The following AHDC1 variants were observed in gnomAD, a reference collection of about 807,000 sequenced individuals.
AHDC1 encodes the protein transcription factor Gibbin.
A neutral mutation model predicts 87.9 loss-of-function variants in AHDC1; 7 were observed. The observed-to-expected ratio is 0.08, with a 90% CI of 0.05 to 0.15. The LOEUF is 0.15. Ranked by LOEUF, AHDC1 falls within the 10% of genes least tolerant of loss-of-function variation. AHDC1 has a pLI of 1.00. For missense variants in AHDC1, 1,841 were observed against 2,253.2 expected, an observed-to-expected ratio of 0.82 and a Z score of 3.70; for synonymous variants, 1,051 against 1,006.8, an observed-to-expected ratio of 1.04 and a Z score of -0.83.
At chr1:27,555,286 C>T (rs2019767651) in intron 5 of AHDC1, among the ~76,000 whole-genome samples, 1 of 152,220 alleles carries the variant, frequency 6.6e-6, no homozygotes, top group African/African-American at 2.4e-5. Flanking sequence ...CTTTCTAGTG[C>T]CATCTCATGC....
chr1:27,569,112 C>G (rs1311780259), intron 3 of AHDC1, among the ~76,000 whole-genome samples: 2 of 148,068 alleles, frequency 1.4e-5, no homozygotes, highest in African/African-American at 2.5e-5. Flanking sequence ...TACCCCCCAT[C>G]GCCCAGTGCA....
At chr1:27,557,660 C>A (rs921666111) in intron 5 of AHDC1, among the ~76,000 whole-genome samples, 1 of 152,188 alleles carries the variant, frequency 6.6e-6, no homozygotes, top group South Asian at 2.1e-4. Context: ...GTGCATACAC[C>A]GTACCATCGC....
intron 3 of AHDC1, among the ~76,000 whole-genome samples, chr1:27,582,485 A>G (rs2088935177): frequency 6.6e-6 from 1 of 152,232 alleles, no homozygotes; most frequent in African/African-American, 2.4e-5. Flanking sequence ...GGCATGCCCA[A>G]TGCCCCTTCT....
chr1:27,565,192 G>A lies in AHDC1; in HGVS notation c.-628-6309C>T, dbSNP rs1177970356. The stretch of plus-strand genomic sequence containing the variant: ...GCTTTGTTCCCCCCACCCACCCGCC[G>A]AGGGGGCCCAGCATGCCTTGCGTGC... On this transcript the variant is annotated intron_variant, in intron 3 of 8. Transcript: ENST00000673934. This position sits in a 1 kb window ranked among gnomAD's most constrained non-coding sequence, Gnocchi z 4.6. Among the ~76,000 whole-genome samples the A allele has an allele frequency of 7.3e-6, 1 of 137,784 alleles. No homozygotes were observed. The highest frequency in any genetic ancestry group is 2.5e-4 in the South Asian group (1 of 4,026). The allele number at this position is 137,784 out of a possible 152,430, so 90.4% of individuals were successfully genotyped here. A position where few individuals can be genotyped will look rare whatever the true frequency, so the allele number is the denominator to read the frequency against.
At chr1:27,542,308 T>G (rs1198088504) in intron 8 of AHDC1, among the ~76,000 whole-genome samples, 3 of 152,196 alleles carry the variant, frequency 2.0e-5, no homozygotes, top group Non-Finnish European at 4.4e-5. Context: ...TCGGCCCAAT[T>G]GCTAACGCAA....
chr1:27,581,050 A>T (rs1242816337), intron 3 of AHDC1, among the ~76,000 whole-genome samples: 2 of 152,062 alleles, frequency 1.3e-5, no homozygotes, highest in African/African-American at 4.8e-5. Flanking sequence ...GGCCAGGCTG[A>T]TCTCGAGCTC....
chr1:27,596,090 G>A (rs1045847909), intron 3 of AHDC1, among the ~76,000 whole-genome samples: 1 of 151,988 alleles, frequency 6.6e-6, no homozygotes, highest in Non-Finnish European at 1.5e-5. Flanking sequence ...GCCCCTCTGG[G>A]AGAATGAAGG....
intron 7 of AHDC1, chr1:27,552,407 T>G: frequency 2.7e-6 from 1 of 374,356 alleles, no homozygotes. Flanking sequence ...TCACTTTTTT[T>G]TTTTTTTTTG....
rs150667477 is a variant in AHDC1, at chr1:27,548,470, C to T, written c.3646G>A (p.Gly1216Ser). The T allele has an allele frequency of 1.3e-5, 21 of 1,613,724 alleles. No homozygotes were observed. The highest frequency in any genetic ancestry group is 1.6e-4 in the Middle Eastern group (1 of 6,084). Residue 1216 changes from glycine (G) to serine (S), a missense_variant, in exon 8 of 9, where the codon GGC (glycine) becomes AGC (serine). Transcript: ENST00000673934. ...AGGACACTCTGGTTCCAGTTGTAGCCGGGGGCAGATGATGCCTCGTTCCAG... is the reference window on the plus strand; with the variant it reads ...AGGACACTCTGGTTCCAGTTGTAGCTGGGGGCAGATGATGCCTCGTTCCAG... ...MDWNEASSAP[G>S]YNWNQSVLFQ...
rs767678987 is a variant in AHDC1, at chr1:27,549,851, C to T, written c.2265G>A (p.Val755=). Residue 755 remains valine (V), a synonymous_variant, in exon 8 of 9, where the codon GTG becomes GTA. Transcript: ENST00000673934. ...CCTCCCCAAAGCCTGGGCCACTGGG[C>T]ACCTGCTCTGGGAACAGAGTCCCAT... The part of the protein sequence containing the change: ...RKNGTLFPEQ[V]PSGPGFGEAG... The T allele has an allele frequency of 6.2e-7, 1 of 1,613,220 alleles. No individual in the cohort carries two copies. Among genetic ancestry groups the T allele is most frequent in the Admixed American group, 1.7e-5 (1 of 60,008 alleles).
At position 27,547,891 on chromosome 1, in the gene AHDC1, T is replaced by C. The variant is rs1417051472; in HGVS notation, c.4225A>G (p.Lys1409Glu). ...GTGGGCGGTGGCCGCAGCTCTTCCT[T>C]GAAGCCCAGTGTAGGCGAGCAGGTG... The part of the protein sequence containing the change: ...SPTCSPTLGF[K>E]EELRPPPTKL... Residue 1409 changes from lysine (K) to glutamate (E), a missense_variant, in exon 8 of 9, where the codon AAG becomes GAG. By Grantham distance (56) the Lys-to-Glu change is moderately conservative (BLOSUM62 1). Transcript: ENST00000673934. This position sits in a 1 kb window ranked among gnomAD's most constrained non-coding sequence, Gnocchi z 4.9. 1.9e-6 allele frequency: 3 copies of C among 1,556,574 alleles called. No individual in the cohort carries two copies. Among genetic ancestry groups the C allele is most frequent in the Non-Finnish European group, 2.6e-6 (3 of 1,147,914 alleles).
chr1:27,548,010 C>T lies in AHDC1; in HGVS notation c.4106G>A (p.Ser1369Asn), dbSNP rs1420097641. Residue 1369 changes from serine (S) to asparagine (N), a missense_variant, in exon 8 of 9, where the codon AGC becomes AAC. Coordinates refer to ENST00000673934, the MANE Select transcript of AHDC1 (RefSeq NM_001371928.1). ...GCCATCAAGCTCGGGAGCACCCAGG[C>T]TGGGCGAGTCGCAGTGGAAGCCTTG... ...FGQGFHCDSP[S>N]LGAPELDGKH... 1 of 1,609,600 alleles carries T rather than the reference C, an allele frequency of 6.2e-7. No homozygotes were observed. Among genetic ancestry groups the T allele is most frequent in the South Asian group, 1.1e-5 (1 of 90,914 alleles).
At chr1:27,599,732 T>C (rs899102446) in intron 3 of AHDC1, among the ~76,000 whole-genome samples, 6 of 151,958 alleles carry the variant, frequency 3.9e-5, no homozygotes, top group Admixed American at 3.9e-4. Context: ...ACCTGTAGGG[T>C]GCAGTACCTG....
At position 27,550,049 on chromosome 1, in the gene AHDC1, G is replaced by A; in HGVS notation, c.2067C>T (p.Cys689=). The part of the protein sequence containing the change: ...GGGHAAKSAR[C]SFSDFFEGIG... ...TGCCCTCAAAGAAGTCACTGAAGGAGCATCGGGCTGACTTGGCCGCATGGC... is the reference window on the plus strand; with the variant it reads ...TGCCCTCAAAGAAGTCACTGAAGGAACATCGGGCTGACTTGGCCGCATGGC... The change falls in exon 8 of 9, where the codon TGC becomes TGT. Residue 689 remains cysteine (C), a synonymous_variant. Transcript: ENST00000673934. 6.2e-7 allele frequency: 1 copy of A among 1,604,642 alleles called. No homozygotes were observed. The highest frequency in any genetic ancestry group is 2.2e-5 in the East Asian group (1 of 44,652).
intron 8 of AHDC1, among the ~76,000 whole-genome samples, chr1:27,546,716 C>T (rs1389169982): frequency 6.6e-6 from 1 of 152,128 alleles, no homozygotes; most frequent in Admixed American, 6.5e-5. Flanking sequence ...AGTGTGTGAC[C>T]ACGCCACACT....
chr1:27,569,233 C>T (rs1380821602), intron 3 of AHDC1, among the ~76,000 whole-genome samples: 1 of 152,136 alleles, frequency 6.6e-6, no homozygotes, highest in South Asian at 2.1e-4. Flanking sequence ...GCAATCCTGG[C>T]TCCACACTGT....
chr1:27,590,389 C>T lies in AHDC1; in HGVS notation c.-629+13008G>A, dbSNP rs990419556. 2.6e-5 allele frequency among the ~76,000 whole-genome samples: 4 copies of T among 152,172 alleles called. No homozygotes were observed. Among genetic ancestry groups the T allele is most frequent in the African/African-American group, 9.7e-5 (4 of 41,438 alleles). On this transcript the variant is annotated intron_variant, in intron 3 of 8. Transcript: ENST00000673934. This position sits in a 1 kb window ranked among gnomAD's most constrained non-coding sequence, Gnocchi z 5.4. The stretch of plus-strand genomic sequence containing the variant: ...CACCTCCCAACCAAAGATGGCTTCC[C>T]AGCACCCCCAGGCAAACTATTACCC...
intron 5 of AHDC1, among the ~76,000 whole-genome samples, chr1:27,555,465 G>A (rs960946729): frequency 6.6e-6 from 1 of 152,072 alleles, no homozygotes; most frequent in Non-Finnish European, 1.5e-5. Flanking sequence ...GCTGCTCCTC[G>A]TTGTCCCACC....
At chr1:27,596,252 C>G (rs1167940638) in intron 3 of AHDC1, among the ~76,000 whole-genome samples, 1 of 152,076 alleles carries the variant, frequency 6.6e-6, no homozygotes, top group Admixed American at 6.5e-5. Flanking sequence ...TCCTCGCTCC[C>G]TGGGGGGCAG....
Sources: gnomAD v4.1 joint callset for allele counts (sites outside exome capture counted in the v4.1 genomes callset) on GRCh38, gnomAD v4.1.1 for gene constraint, Gnocchi (gnomAD v3.1) non-coding constraint, MANE v1.5 for transcripts, NCBI Gene and HGNC (gene_info 2026-07-23, HGNC 2026-07-21) for gene names.